RBP2: variants seen among roughly 807,000 people sequenced by gnomAD.
RBP2 encodes the protein retinol binding protein 2.
RBP2 carries 17 observed loss-of-function variants against 17.0 expected under a neutral mutation model. The ratio of observed to expected loss-of-function variants is 1.00; its 90% CI spans 0.68 to 1.50. RBP2 has a LOEUF of 1.50. Among genes scored for constraint, RBP2 ranks in the 40% most tolerant of loss-of-function variants. The pLI is 0.00. For missense variants in RBP2, 158 were observed against 168.2 expected (o/e 0.94, Z 0.33); for synonymous variants, 48 against 57.1 (o/e 0.84, Z 0.72).
intron 1 of RBP2, among the ~76,000 whole-genome samples, chr3:139,468,674 G>GCACA (rs3836323): frequency 2.7e-5 from 4 of 150,618 alleles, no homozygotes; most frequent in East Asian, 1.9e-4. Context: ...ACACACACAT[G>GCACA]CACACACACA....
intron 2 of RBP2, among the ~76,000 whole-genome samples, chr3:139,460,121 C>A (rs1354180304): frequency 3.9e-5 from 6 of 152,166 alleles, no homozygotes; most frequent in Admixed American, 1.3e-4. Flanking sequence ...GAGCCCACAA[C>A]CAAAACAGAA....
Position 139,459,191 on chromosome 3 carries a change from T to C in RBP2, c.252+2921A>G, listed in dbSNP as rs564984440. 1.1e-3 allele frequency among the ~76,000 whole-genome samples: 172 copies of C among 152,080 alleles called. 1 individual carries two copies. Among genetic ancestry groups the C allele is most frequent in the African/African-American group, 4.1e-3 (169 of 41,488 alleles). Reference sequence around the variant, plus strand: ...AGGAGTACCACACACACTCTCACACTCACACATCCTCACACTCCCACACGT... The same window carrying C: ...AGGAGTACCACACACACTCTCACACCCACACATCCTCACACTCCCACACGT... On this transcript the variant is annotated intron_variant, in intron 2 of 3. Coordinates refer to ENST00000232217, the MANE Select transcript of RBP2 (RefSeq NM_004164.3).
At chr3:139,470,609 C>T (rs542432995) in intron 1 of RBP2, among the ~76,000 whole-genome samples, 2 of 152,116 alleles carry the variant, frequency 1.3e-5, no homozygotes, top group East Asian at 3.9e-4. Flanking sequence ...TCCCTGACCA[C>T]ACCCCCAACC....
At chr3:139,468,743 T>C (rs572831885) in intron 1 of RBP2, among the ~76,000 whole-genome samples, 48 of 152,314 alleles carry the variant, frequency 3.2e-4, no homozygotes, top group African/African-American at 1.1e-3. Flanking sequence ...ATTTTCCTGG[T>C]ATGGTATTTT....
intron 1 of RBP2, among the ~76,000 whole-genome samples, chr3:139,468,276 C>T (rs926378080): frequency 4.6e-5 from 7 of 152,158 alleles, no homozygotes; most frequent in Admixed American, 1.3e-4. Context: ...TCTTTACAAA[C>T]GCATTCTGTT....
At chr3:139,467,752 T>G (rs1033845862) in intron 1 of RBP2, among the ~76,000 whole-genome samples, 1 of 152,144 alleles carries the variant, frequency 6.6e-6, no homozygotes, top group African/African-American at 2.4e-5. Context: ...AGTGAAAGTT[T>G]TGGGTCATAT....
At chr3:139,463,126 C>T (rs1933247681) in intron 1 of RBP2, among the ~76,000 whole-genome samples, 1 of 152,080 alleles carries the variant, frequency 6.6e-6, no homozygotes, top group Non-Finnish European at 1.5e-5. Flanking sequence ...AACCATCATG[C>T]CTGGCCCCCA....
intron 1 of RBP2, among the ~76,000 whole-genome samples, chr3:139,469,555 A>G (rs957923487): frequency 1.3e-5 from 2 of 152,144 alleles, no homozygotes; most frequent in Admixed American, 1.3e-4. Flanking sequence ...CAGGTACCAT[A>G]TGGTTCAAGT....
chr3:139,460,470 ACAAC>A, intron 2 of RBP2, among the ~76,000 whole-genome samples: 1 of 152,220 alleles, frequency 6.6e-6, no homozygotes, highest in East Asian at 1.9e-4. Context: ...ATGCTACAGG[ACAAC>A]TTGACTGAGA....
chr3:139,471,015 C>A (rs1379613600), intron 1 of RBP2, among the ~76,000 whole-genome samples: 1 of 152,118 alleles, frequency 6.6e-6, no homozygotes, highest in Non-Finnish European at 1.5e-5. Flanking sequence ...CATCACACGC[C>A]ACTCCATTAT....
intron 2 of RBP2, among the ~76,000 whole-genome samples, chr3:139,459,008 A>G (rs1192454115): frequency 6.6e-6 from 1 of 152,104 alleles, no homozygotes; most frequent in East Asian, 1.9e-4. Context: ...TCTGTGATCA[A>G]TGTGGTTGCA....
At chr3:139,458,326 C>T (rs766395138) in intron 2 of RBP2, among the ~76,000 whole-genome samples, 6 of 152,210 alleles carry the variant, frequency 3.9e-5, no homozygotes, top group South Asian at 2.1e-4. Context: ...CCTCTGGCAG[C>T]GCCTGTCTGC....
At chr3:139,465,369 C>T (rs1218831091) in intron 1 of RBP2, among the ~76,000 whole-genome samples, 1 of 152,104 alleles carries the variant, frequency 6.6e-6, no homozygotes. Context: ...CAGGGTGTAA[C>T]CTCCCTTGGG....
chr3:139,464,543 C>A (rs1409331493), intron 1 of RBP2, among the ~76,000 whole-genome samples: 1 of 152,172 alleles, frequency 6.6e-6, no homozygotes, highest in Non-Finnish European at 1.5e-5. Context: ...GGTCAGCAAT[C>A]TGAATCCACA....
chr3:139,455,583 G>T (rs1943381031), intron 2 of RBP2, among the ~76,000 whole-genome samples: 1 of 152,118 alleles, frequency 6.6e-6, no homozygotes. Context: ...ATATAAAACT[G>T]CATGTACTTT....
At chr3:139,461,977 T>C (rs1933205300) in intron 2 of RBP2, 135 bp downstream of exon 2, 2 of 879,100 alleles carry the variant, frequency 2.3e-6, no homozygotes, top group African/African-American at 1.7e-5. Context: ...ATTGCCAGCA[T>C]GATTAAGGCC....
At chr3:139,464,315 C>T (rs956702392) in intron 1 of RBP2, among the ~76,000 whole-genome samples, 5 of 152,052 alleles carry the variant, frequency 3.3e-5, no homozygotes, top group Admixed American at 2.0e-4. Context: ...AAAAATTATT[C>T]GGGCATGATG....
At chr3:139,459,823 G>GGTGTGTGTGAGTGTGTGT (rs1553721574) in intron 2 of RBP2, among the ~76,000 whole-genome samples, 2 of 136,104 alleles carry the variant, frequency 1.5e-5, no homozygotes, top group Non-Finnish European at 1.6e-5. Context: ...CCCTACTAAG[G>GGTGTGTGTGAGTGTGTGT]GTGTGTGTGA....
At chr3:139,473,573 C>G (rs1043967707) in intron 1 of RBP2, among the ~76,000 whole-genome samples, 3 of 152,224 alleles carry the variant, frequency 2.0e-5, no homozygotes, top group African/African-American at 4.8e-5. Context: ...CTAAGGGTCT[C>G]TCTGCTCAAA....
Sources: allele counts gnomAD v4.1 joint callset (sites outside exome capture counted in the v4.1 genomes callset), GRCh38; gene constraint gnomAD v4.1.1; transcripts MANE v1.5; gene names NCBI Gene and HGNC (gene_info 2026-07-23, HGNC 2026-07-21).